Variants in RAB40C observed in about 807,000 individuals in gnomAD.
The protein encoded by RAB40C is RAB40C, member RAS oncogene family.
A neutral mutation model predicts 28.1 loss-of-function variants in RAB40C; 8 were observed. The observed-to-expected ratio is 0.28, with a 90% CI of 0.17 to 0.51. The LOEUF is 0.51. Among genes scored for constraint, RAB40C ranks in the 20% least tolerant of loss-of-function variants. The pLI, the probability that RAB40C is intolerant of heterozygous loss-of-function variation, is 0.97. For missense variants in RAB40C, 288 were observed against 405.9 expected (o/e 0.71, Z 2.50); for synonymous variants, 201 against 171.7 (o/e 1.17, Z -1.34).
chr16:595,015 C>T (rs1421067472), intron 1 of RAB40C, among the ~76,000 whole-genome samples: 2 of 152,030 alleles, frequency 1.3e-5, no homozygotes, highest in African/African-American at 4.8e-5. Flanking sequence ...AGGCAGGTTT[C>T]ACCATGTTGG....
At chr16:597,875 C>T (rs548165927) in intron 1 of RAB40C, among the ~76,000 whole-genome samples, 130 of 124,054 alleles carry the variant, frequency 1.0e-3, no homozygotes, top group African/African-American at 3.8e-3. Context: ...CCGAGGTAGG[C>T]GGAGTGCTGG....
chr16:623,570 C>T (rs915014241), intron 3 of RAB40C, among the ~76,000 whole-genome samples: 6 of 150,400 alleles, frequency 4.0e-5, no homozygotes, highest in Non-Finnish European at 8.8e-5. Flanking sequence ...AGGAGAATGG[C>T]GTGAACCCGG....
chr16:618,073 C>T, intron 2 of RAB40C, 127 bp from the exon 3 acceptor site: 1 of 808,106 alleles, frequency 1.2e-6, no homozygotes, highest in Non-Finnish European at 2.0e-6. Context: ...TTAGCACAGC[C>T]TCATTGGCAC....
chr16:595,749 C>G (rs2036105137), intron 1 of RAB40C, among the ~76,000 whole-genome samples: 1 of 152,026 alleles, frequency 6.6e-6, no homozygotes, highest in South Asian at 2.1e-4. Context: ...ATTACAGCCA[C>G]CTGCCACCAC....
intron 1 of RAB40C, among the ~76,000 whole-genome samples, chr16:595,145 G>A (rs991698105): frequency 2.0e-5 from 3 of 152,192 alleles, no homozygotes; most frequent in African/African-American, 7.2e-5. Flanking sequence ...TTTTCCAGCA[G>A]GGTGGTGTTG....
rs1043336184 is a variant in RAB40C at position 610,329 on chromosome 16, C to T, written c.143-6879C>T. Among the ~76,000 whole-genome samples the T allele has an allele frequency of 4.6e-5, 7 of 151,580 alleles. No homozygotes were observed. The highest frequency in any genetic ancestry group is 1.5e-5 in the Non-Finnish European group (1 of 67,884). Reference sequence around the variant, plus strand: ...GCTGAGAGGCAGCGCCTGGCTGGGGCTAGATGAACAAGAGGGTTATTGGGA... The same window carrying T: ...GCTGAGAGGCAGCGCCTGGCTGGGGTTAGATGAACAAGAGGGTTATTGGGA... On this transcript the variant is annotated intron_variant, in intron 1 of 5. Coordinates refer to ENST00000248139, the MANE Select transcript of RAB40C (RefSeq NM_021168.5). The surrounding 1 kb of genome is among the most constrained non-coding windows in gnomAD (Gnocchi z 4.6).
At position 627,830 on chromosome 16, in the gene RAB40C, C is replaced by T; in HGVS notation, c.*208C>T. ...GGGAGGAGGGGGCGCGGCTGGGCTG[C>T]TGGTGCTTCCGGGAATCTTGGTCGG... is the stretch of plus-strand genomic sequence containing the variant. On this transcript the variant is annotated 3_prime_UTR_variant, in exon 6 of 6. Transcript: ENST00000248139. The T allele has an allele frequency of 5.8e-6, 3 of 521,222 alleles. No individual in the cohort carries two copies. Among genetic ancestry groups the T allele is most frequent in the Non-Finnish European group, 9.4e-6 (3 of 319,718 alleles). 32.3% of individuals were successfully genotyped at this position (521,222 alleles called of 1,614,324 possible).
intron 1 of RAB40C, among the ~76,000 whole-genome samples, chr16:616,137 G>C (rs1028676966): frequency 6.6e-6 from 1 of 151,182 alleles, no homozygotes; most frequent in Non-Finnish European, 1.5e-5. Flanking sequence ...GGCGCCTGTA[G>C]TTCAGCTACT....
At chr16:624,158 C>T (rs2036778599) in intron 3 of RAB40C, 2 of 985,438 alleles carry the variant, frequency 2.0e-6, no homozygotes, top group Non-Finnish European at 2.4e-6. Context: ...GACACACATC[C>T]TCAGTTACTT....
chr16:616,875 C>A, intron 1 of RAB40C: 1 of 358,256 alleles, frequency 2.8e-6, no homozygotes, highest in Non-Finnish European at 5.3e-6. Context: ...GCACCCAGCG[C>A]GGGCCACAGG....
intron 1 of RAB40C, among the ~76,000 whole-genome samples, chr16:606,100 A>T (rs1194622103): frequency 1.3e-5 from 2 of 152,154 alleles, no homozygotes; most frequent in African/African-American, 2.4e-5. Context: ...GTTATTGCTG[A>T]CACATAGTCC....
intron 1 of RAB40C, among the ~76,000 whole-genome samples, chr16:594,087 C>T (rs546693831): frequency 3.3e-4 from 50 of 152,288 alleles, no homozygotes; most frequent in East Asian, 1.9e-4. Context: ...CAGCCGCTCC[C>T]GCTCTGCAGG....
rs200782060 is a variant in RAB40C at position 627,581 on chromosome 16, C to T, written c.805C>T (p.Pro269Ser). The change falls in exon 6 of 6, where the codon CCC becomes TCC. Residue 269 changes from proline to serine, a missense_variant. This residue lies in a region of RAB40C where 57 missense variants were observed against 55.3 expected (regional missense o/e 1.03). Coordinates refer to ENST00000248139, the MANE Select transcript of RAB40C (RefSeq NM_021168.5). The part of the protein sequence containing the change: ...RSKSIRPPQS[P>S]PQNCSRSNCK... Reference sequence around the variant, plus strand: ...CAAGTCCATCCGTCCACCCCAGAGCCCCCCCCAGAACTGCTCGCGGAGTAA... The same window carrying T: ...CAAGTCCATCCGTCCACCCCAGAGCTCCCCCCAGAACTGCTCGCGGAGTAA... 1.4e-5 allele frequency: 23 copies of T among 1,609,740 alleles called. No homozygotes were observed. The highest frequency in any genetic ancestry group is 6.7e-5 in the African/African-American group (5 of 74,874).
intron 1 of RAB40C, among the ~76,000 whole-genome samples, chr16:599,147 C>T (rs546017072): frequency 9.2e-5 from 14 of 152,340 alleles, no homozygotes; most frequent in African/African-American, 3.4e-4. Context: ...TGCTGTGTTT[C>T]GGTCCAGAAA....
intron 3 of RAB40C, among the ~76,000 whole-genome samples, chr16:620,793 C>T (rs1417666295): frequency 1.3e-4 from 17 of 129,040 alleles, no homozygotes; most frequent in Non-Finnish European, 2.8e-4. Flanking sequence ...GCATCCCAGC[C>T]CCCCGCCGAC....
chr16:617,715 C>T (rs559696642), intron 2 of RAB40C, among the ~76,000 whole-genome samples: 3 of 152,212 alleles, frequency 2.0e-5, no homozygotes, highest in South Asian at 2.1e-4. Flanking sequence ...TGGTGGCGGG[C>T]GCCTGTAGTC....
rs115762526 is a variant in RAB40C at position 593,402 on chromosome 16, G to A, written c.142+2969G>A. On this transcript the variant is annotated intron_variant, in intron 1 of 5. Transcript: ENST00000248139. Reference sequence around the variant, plus strand: ...AAGGACGTACGTGTTAACCTCCATTGCTTTCTCTCCTTTGTTGGGAGGTGC... The same window carrying A: ...AAGGACGTACGTGTTAACCTCCATTACTTTCTCTCCTTTGTTGGGAGGTGC... Among the ~76,000 whole-genome samples, 962 of 152,368 alleles carry A rather than the reference G, an allele frequency of 6.3e-3. 9 individuals are homozygous for A. Among genetic ancestry groups the A allele is most frequent in the African/African-American group, 0.022 (911 of 41,580 alleles).
rs58972886 is a variant in RAB40C, at chr16:618,752, C to T, written c.264+492C>T. Among the ~76,000 whole-genome samples the T allele has an allele frequency of 2.9e-4, 38 of 131,146 alleles. No homozygotes were observed. In the East Asian group the frequency reaches 3.8e-3, roughly 13 times the overall value. 86.0% of individuals were successfully genotyped at this position (131,146 alleles called of 152,430 possible). A position where few individuals can be genotyped will look rare whatever the true frequency, so the allele number is the denominator to read the frequency against. On this transcript the variant is annotated intron_variant, in intron 3 of 5. Transcript: ENST00000248139. ...CAGGCATGTGCACAGGTCTGGCGGACGCACTGGGGCCATGTGTGCAGTGTG... is the reference window on the plus strand; with the variant it reads ...CAGGCATGTGCACAGGTCTGGCGGATGCACTGGGGCCATGTGTGCAGTGTG...
At chr16:597,522 T>C (rs965493259) in intron 1 of RAB40C, among the ~76,000 whole-genome samples, 6 of 151,680 alleles carry the variant, frequency 4.0e-5, no homozygotes, top group Admixed American at 2.0e-4. Context: ...CTTGCTCCGT[T>C]ACCCAGGGTG....
Sources: gnomAD v4.1 joint callset for allele counts (sites outside exome capture counted in the v4.1 genomes callset) on GRCh38, gnomAD v4.1.1 for gene constraint, gnomAD v4.1.1 regional missense constraint, Gnocchi (gnomAD v3.1) non-coding constraint, MANE v1.5 for transcripts, NCBI Gene and HGNC (gene_info 2026-07-23, HGNC 2026-07-21) for gene names.